DRC9: variants seen among roughly 807,000 people sequenced by gnomAD.
DRC9 encodes dynein regulatory complex subunit 9, also known as dynein regulatory complex protein 9.
chr3:197,899,090 CA>C, the DRC9 span, among the ~76,000 whole-genome samples: 1 of 152,000 alleles, frequency 6.6e-6, no homozygotes, highest in East Asian at 1.9e-4. Flanking sequence ...ACGTAAGTTA[CA>C]AAAAAGACTC....
At chr3:197,914,155 A>AT in the DRC9 span, 1 of 882,232 alleles carries the variant, frequency 1.1e-6, no homozygotes, top group Non-Finnish European at 1.8e-6. Context: ...AACTGGAACT[A>AT]TTTTTCCGCT....
chr3:197,889,562 A>G, the DRC9 span: 1 of 1,614,118 alleles, frequency 6.2e-7, no homozygotes, highest in Non-Finnish European at 8.5e-7. Context: ...CCAGCAGAAA[A>G]CACAAAAGAG....
At chr3:197,928,779 T>A in the DRC9 span, among the ~76,000 whole-genome samples, 1 of 152,030 alleles carries the variant, frequency 6.6e-6, no homozygotes, top group Non-Finnish European at 1.5e-5. Flanking sequence ...AAAGAAGATA[T>A]AAAGCAGACA....
At chr3:197,951,305 C>G in the DRC9 span, 31 of 1,613,866 alleles carry the variant, frequency 1.9e-5, no homozygotes, top group Non-Finnish European at 2.4e-5. Flanking sequence ...GTATATAAAG[C>G]AAAGAAGTAA....
chr3:197,950,069 C>G, the DRC9 span: 1 of 1,144,280 alleles, frequency 8.7e-7, no homozygotes, highest in Non-Finnish European at 1.1e-6. Flanking sequence ...TTGAATGTGG[C>G]TTATTTCAGT....
chr3:197,957,301 C>T, the DRC9 span: 4 of 152,246 alleles, frequency 2.6e-5, no homozygotes, highest in African/African-American at 7.2e-5. Context: ...AAGACGCCCT[C>T]CCCCAGAGGT....
chr3:197,950,720 T>A, the DRC9 span: 1 of 587,236 alleles, frequency 1.7e-6, no homozygotes, highest in Non-Finnish European at 3.0e-6. Context: ...TAGTTTTGTC[T>A]TCATTCTGAA....
the DRC9 span, chr3:197,912,806 T>C: frequency 7.1e-7 from 1 of 1,417,234 alleles, no homozygotes; most frequent in South Asian, 1.2e-5. Flanking sequence ...AATCAGAAGT[T>C]CTCAAGATGA....
the DRC9 span, chr3:197,889,675 T>C: frequency 2.5e-6 from 4 of 1,613,970 alleles, no homozygotes; most frequent in Admixed American, 3.3e-5. Flanking sequence ...AAACCACCAA[T>C]TTCTCTCCGT....
At chr3:197,895,284 C>G in the DRC9 span, among the ~76,000 whole-genome samples, 1 of 152,098 alleles carries the variant, frequency 6.6e-6, no homozygotes, top group South Asian at 2.1e-4. Flanking sequence ...TATTTATTTA[C>G]TTTGAGATAA....
At chr3:197,945,973 T>C in the DRC9 span, among the ~76,000 whole-genome samples, 1 of 152,240 alleles carries the variant, frequency 6.6e-6, no homozygotes, top group Non-Finnish European at 1.5e-5. Context: ...TTTTAGTATG[T>C]TCTATTATAT....
chr3:197,913,600 G>C, the DRC9 span: 3 of 566,436 alleles, frequency 5.3e-6, no homozygotes, highest in East Asian at 6.0e-5. Flanking sequence ...CAGAAAAATG[G>C]TGATTGGTTT....
chr3:197,910,376 G>A, the DRC9 span, among the ~76,000 whole-genome samples: 4 of 152,138 alleles, frequency 2.6e-5, no homozygotes, highest in African/African-American at 9.7e-5. Flanking sequence ...AAACTCTGGC[G>A]TCATCCCTTC....
the DRC9 span, among the ~76,000 whole-genome samples, chr3:197,947,830 C>G: frequency 6.6e-6 from 1 of 151,774 alleles, no homozygotes; most frequent in Non-Finnish European, 1.5e-5. Context: ...TCCTGTCAGG[C>G]AATTCTCTCC....
At chr3:197,944,050 C>T in the DRC9 span, 135 of 1,608,840 alleles carry the variant, frequency 8.4e-5, no homozygotes, top group Non-Finnish European at 9.7e-5. Flanking sequence ...TCCAGGCTGT[C>T]TCTAAGGAAA....
At chr3:197,899,097 G>C in the DRC9 span, among the ~76,000 whole-genome samples, 3 of 152,104 alleles carry the variant, frequency 2.0e-5, no homozygotes, top group Non-Finnish European at 4.4e-5. Context: ...TTACAAAAAA[G>C]ACTCATAAAG....
chr3:197,954,493 C>G, the DRC9 span: 2 of 349,810 alleles, frequency 5.7e-6, no homozygotes, highest in Non-Finnish European at 1.1e-5. Flanking sequence ...GCCACCACAC[C>G]CAGCTAATTT....
At chr3:197,921,209 G>T in the DRC9 span, among the ~76,000 whole-genome samples, 26 of 99,282 alleles carry the variant, frequency 2.6e-4, no homozygotes, top group African/African-American at 1.0e-3. Context: ...CTCCGGGGAT[G>T]TAACCTGATT....
At chr3:197,954,346 T>G in the DRC9 span, 1,595 of 628,384 alleles carry the variant, frequency 2.5e-3, 8 homozygotes, top group African/African-American at 0.015. Flanking sequence ...GTTTTTTTTT[T>G]GGGGGGAGAC....
Sources: allele counts gnomAD v4.1 joint callset (sites outside exome capture counted in the v4.1 genomes callset), GRCh38; gene constraint gnomAD v4.1.1; transcripts MANE v1.5; gene names NCBI Gene and HGNC (gene_info 2026-07-23, HGNC 2026-07-21).